NF1: variants seen among roughly 807,000 people sequenced by gnomAD.
NF1 encodes neurofibromin 1.
NF1 carries 122 observed loss-of-function variants against 325.7 expected under a neutral mutation model. That is an observed-to-expected ratio of 0.37 (90% confidence interval 0.32 to 0.44). The LOEUF (loss-of-function observed/expected upper bound fraction) is 0.44. Among genes scored for constraint, NF1 ranks in the 20% least tolerant of loss-of-function variants. The pLI is 1.00. For synonymous variants in NF1, 1,091 were observed against 1,186.0 expected, an observed-to-expected ratio of 0.92 and a Z score of 1.65; for missense variants, 2,140 against 3,415.4, an observed-to-expected ratio of 0.63 and a Z score of 9.31.
chr17:31,221,801 A>G (rs2066925688), intron 14 of NF1, 49 bp from the exon 15 acceptor site: 3 of 1,351,082 alleles, frequency 2.2e-6, no homozygotes, highest in East Asian at 4.6e-5. Flanking sequence ...TTTACCAAAA[A>G]TGTTTGAGTG....
intron 37 of NF1, 71 bp downstream of exon 37, chr17:31,326,323 C>A (rs2069341051): frequency 7.0e-7 from 1 of 1,426,896 alleles, no homozygotes; most frequent in African/African-American, 1.4e-5. Context: ...TCCTGGCCTC[C>A]CTAGGTGTCC....
intron 1 of NF1, among the ~76,000 whole-genome samples, chr17:31,129,721 G>A (rs1462513773): frequency 2.0e-5 from 3 of 152,088 alleles, no homozygotes; most frequent in East Asian, 1.9e-4. Context: ...GAGCCACTGC[G>A]CCCGGCCATG....
rs1911509090 is a variant in NF1 at position 31,095,025 on chromosome 17, G to A, written c.-285G>A. ...GCGTCTCGGACTGTGATGGCTGTGG[G>A]GAGACGGCGCTAGTGGGGAGAGCGA... On this transcript the variant is annotated 5_prime_UTR_variant, in exon 1 of 58. Coordinates refer to ENST00000358273, the MANE Select transcript of NF1 (RefSeq NM_001042492.3). The A allele has an allele frequency of 5.2e-6, 3 of 581,622 alleles. No individual in the cohort carries two copies. Among genetic ancestry groups the A allele is most frequent in the Non-Finnish European group, 9.2e-6 (3 of 326,358 alleles). 36.0% of individuals were successfully genotyped at this position (581,622 alleles called of 1,614,324 possible).
chr17:31,174,125 A>G (rs1200420427), intron 5 of NF1, among the ~76,000 whole-genome samples: 1 of 152,238 alleles, frequency 6.6e-6, no homozygotes, highest in African/African-American at 2.4e-5. Flanking sequence ...CATTGCCAGT[A>G]AAATCGCTTA....
intron 29 of NF1, among the ~76,000 whole-genome samples, chr17:31,241,637 C>T (rs912102106): frequency 6.6e-6 from 1 of 152,132 alleles, no homozygotes; most frequent in African/African-American, 2.4e-5. Context: ...AAAAAGAAAA[C>T]TAATAAAAAC....
intron 36 of NF1, among the ~76,000 whole-genome samples, chr17:31,272,936 C>G (rs12943508): frequency 0.57 from 86,388 of 151,990 alleles, 26,896 homozygotes; most frequent in Middle Eastern, 0.77. Context: ...TCTGCTGACA[C>G]AAGACCTATT....
intron 30 of NF1, 97 bp downstream of exon 30, chr17:31,249,216 A>T: frequency 2.9e-6 from 4 of 1,359,120 alleles, no homozygotes; most frequent in Non-Finnish European, 4.2e-6. Context: ...GTGTGTGGTT[A>T]ACTATAATAC....
intron 36 of NF1, among the ~76,000 whole-genome samples, chr17:31,300,926 C>T (rs537070200): frequency 1.3e-5 from 2 of 152,170 alleles, no homozygotes; most frequent in African/African-American, 4.8e-5. Context: ...TGTTTAAAGA[C>T]CATTTAAATG....
intron 1 of NF1, among the ~76,000 whole-genome samples, chr17:31,127,848 T>A (rs1433200791): frequency 1.3e-5 from 2 of 152,182 alleles, no homozygotes; most frequent in Non-Finnish European, 2.9e-5. Context: ...TTTTTTTCTC[T>A]GTGCATCTGT....
chr17:31,222,501 A>G, intron 15 of NF1: 1 of 1,028,250 alleles, frequency 9.7e-7, no homozygotes, highest in Non-Finnish European at 1.2e-6. Context: ...CCATTATCTT[A>G]TAAGAATGGG....
intron 50 of NF1, among the ~76,000 whole-genome samples, chr17:31,350,649 A>G (rs1016964437): frequency 6.6e-5 from 10 of 152,234 alleles, no homozygotes; most frequent in Non-Finnish European, 1.0e-4. Context: ...TAAACAACAC[A>G]TTACGTGCTT....
intron 1 of NF1, among the ~76,000 whole-genome samples, chr17:31,131,872 A>G (rs188826596): frequency 6.8e-6 from 1 of 147,968 alleles, no homozygotes; most frequent in East Asian, 1.9e-4. Context: ...GTTGTGTCTA[A>G]TATTTCACCC....
At chr17:31,246,424 G>A (rs1033240897) in intron 29 of NF1, among the ~76,000 whole-genome samples, 4 of 152,212 alleles carry the variant, frequency 2.6e-5, no homozygotes, top group African/African-American at 7.2e-5. Context: ...CAGCAATGAC[G>A]TAAGTGTCCA....
At chr17:31,359,146 T>C (rs2070344200) in intron 56 of NF1, 131 bp downstream of exon 56, 2 of 783,184 alleles carry the variant, frequency 2.6e-6, no homozygotes. Flanking sequence ...TATGTTACTT[T>C]TATAAAAAGT....
intron 7 of NF1, 58 bp downstream of exon 7, chr17:31,181,843 T>A (rs1275139879): frequency 1.7e-6 from 2 of 1,166,250 alleles, no homozygotes; most frequent in Non-Finnish European, 2.6e-6. Context: ...ACTTGTGACA[T>A]AAAAACCTAT....
chr17:31,349,355 C>A (rs2151573373), intron 49 of NF1, 104 bp downstream of exon 49: 1 of 1,172,102 alleles, frequency 8.5e-7, no homozygotes, highest in Non-Finnish European at 1.2e-6. Context: ...CGTGGCAGAG[C>A]AGAAAGTTCA....
chr17:31,156,523 C>G (rs2065665520), intron 2 of NF1, among the ~76,000 whole-genome samples: 1 of 152,130 alleles, frequency 6.6e-6, no homozygotes, highest in Non-Finnish European at 1.5e-5. Flanking sequence ...AATTTACTTA[C>G]GGTTGTCCCA....
intron 57 of NF1, chr17:31,362,339 C>A: frequency 5.1e-6 from 5 of 985,402 alleles, no homozygotes; most frequent in Non-Finnish European, 6.0e-6. Flanking sequence ...AACCTTTTAG[C>A]ATTTTGGAGC....
chr17:31,135,583 T>A (rs17881079), intron 1 of NF1, among the ~76,000 whole-genome samples: 2 of 152,148 alleles, frequency 1.3e-5, no homozygotes, highest in Admixed American at 1.3e-4. Context: ...ATTACTTTTT[T>A]GAAACAGGGG....
Sources: allele counts gnomAD v4.1 joint callset (sites outside exome capture counted in the v4.1 genomes callset), GRCh38; gene constraint gnomAD v4.1.1; transcripts MANE v1.5; gene names NCBI Gene and HGNC (gene_info 2026-07-23, HGNC 2026-07-21).